The following ODAD2 variants were observed in gnomAD, a reference collection of about 807,000 sequenced individuals.
The protein encoded by ODAD2 is outer dynein arm docking complex subunit 2.
Under a neutral mutation model 106.8 loss-of-function variants are expected in ODAD2, and 89 were observed. That is an observed-to-expected ratio of 0.83 (90% CI 0.70 to 0.99). The LOEUF (loss-of-function observed/expected upper bound fraction) is 0.99, where lower values mean the gene tolerates loss of function less well. Ranked by LOEUF, ODAD2 falls within the 50% of genes least tolerant of loss-of-function variation. ODAD2 has a pLI of 0.00. For missense variants in ODAD2, 1,168 were observed against 1,238.5 expected (o/e 0.94, Z 0.85); for synonymous variants, 404 against 436.2 (o/e 0.93, Z 0.92).
intron 17 of ODAD2, among the ~76,000 whole-genome samples, chr10:27,875,657 G>C (rs1030298313): frequency 6.6e-6 from 1 of 152,164 alleles, no homozygotes; most frequent in Admixed American, 6.5e-5. Context: ...TTCCAACTGA[G>C]GTACCAGGTT....
chr10:27,933,583 A>G (rs1845752891), intron 16 of ODAD2, among the ~76,000 whole-genome samples: 1 of 152,206 alleles, frequency 6.6e-6, no homozygotes, highest in African/African-American at 2.4e-5. Flanking sequence ...AACTGAGAGC[A>G]GAGAGGAGGA....
intron 19 of ODAD2, among the ~76,000 whole-genome samples, chr10:27,826,608 T>G: frequency 6.6e-6 from 1 of 151,996 alleles, no homozygotes; most frequent in Non-Finnish European, 1.5e-5. Flanking sequence ...CACCCGTCCT[T>G]TCCTCCTCCC....
At chr10:27,910,458 A>G (rs1451755369) in intron 16 of ODAD2, among the ~76,000 whole-genome samples, 1 of 152,136 alleles carries the variant, frequency 6.6e-6, no homozygotes. Context: ...GCATACAGAA[A>G]TAACAGATAC....
chr10:27,892,989 A>G (rs1842653958), intron 17 of ODAD2, among the ~76,000 whole-genome samples: 1 of 152,086 alleles, frequency 6.6e-6, no homozygotes, highest in Non-Finnish European at 1.5e-5. Context: ...TCTCTACTAA[A>G]AGTACAAAAA....
intron 17 of ODAD2, among the ~76,000 whole-genome samples, chr10:27,867,130 A>G: frequency 6.6e-6 from 1 of 152,110 alleles, no homozygotes; most frequent in East Asian, 1.9e-4. Flanking sequence ...TGAACAAGAT[A>G]CCCACAACTG....
intron 19 of ODAD2, among the ~76,000 whole-genome samples, chr10:27,822,196 T>C (rs1836665875): frequency 6.6e-6 from 1 of 152,206 alleles, no homozygotes; most frequent in Non-Finnish European, 1.5e-5. Context: ...AGCATGGGAA[T>C]TGGGTCTGCA....
intron 16 of ODAD2, among the ~76,000 whole-genome samples, chr10:27,926,292 C>A (rs1466323803): frequency 1.3e-5 from 2 of 151,568 alleles, no homozygotes; most frequent in Admixed American, 6.6e-5. Flanking sequence ...AAAAGGAACT[C>A]AACCAATAAG....
chr10:27,885,706 A>T (rs11599391), intron 17 of ODAD2, among the ~76,000 whole-genome samples: 4 of 52,078 alleles, frequency 7.7e-5, no homozygotes, highest in South Asian at 1.0e-3. Context: ...ATATATATAA[A>T]ATATATATTA....
intron 17 of ODAD2, among the ~76,000 whole-genome samples, chr10:27,876,827 A>G (rs2133513474): frequency 6.6e-6 from 1 of 152,354 alleles, no homozygotes. Context: ...ATGTTCCCTG[A>G]TGAACTTCTT....
chr10:27,856,400 T>C (rs997422059), intron 19 of ODAD2, among the ~76,000 whole-genome samples: 5 of 152,174 alleles, frequency 3.3e-5, no homozygotes, highest in African/African-American at 1.2e-4. Flanking sequence ...TGAAACTTGC[T>C]CTTCCTTTGG....
In ODAD2 at chr10:27,995,260, T is replaced by C. The variant is rs1850492056; in HGVS notation, c.-38-80A>G. ...ATTTTTCATTCTCAAGACTTTAAAC[T>C]AGTACTCCCCATCCCACATTCTGCT... On this transcript the variant is annotated intron_variant, in intron 1 of 19. Transcript: ENST00000305242. 10 of 1,379,318 alleles carry C rather than the reference T, an allele frequency of 7.2e-6. No homozygotes were observed. In the South Asian group the frequency reaches 1.5e-4, roughly 21 times the overall value. The allele number at this position is 1,379,318 out of a possible 1,614,324, so 85.4% of individuals were successfully genotyped here.
At chr10:27,881,899 G>T (rs989663640) in intron 17 of ODAD2, among the ~76,000 whole-genome samples, 1 of 152,000 alleles carries the variant, frequency 6.6e-6, no homozygotes, top group Non-Finnish European at 1.5e-5. Flanking sequence ...AACTGGGCAT[G>T]GTGGCTCACA....
intron 16 of ODAD2, among the ~76,000 whole-genome samples, chr10:27,926,224 AG>A (rs1564511958): frequency 6.6e-6 from 1 of 152,184 alleles, no homozygotes; most frequent in African/African-American, 2.4e-5. Context: ...TATTTATAAA[AG>A]TAAGATTTGG....
At chr10:27,984,043 G>T (rs1267642661) in intron 5 of ODAD2, 64 bp from the exon 6 acceptor site, 4 of 1,564,162 alleles carry the variant, frequency 2.6e-6, no homozygotes, top group South Asian at 2.3e-5. Context: ...AAAAGTGTTG[G>T]CTTCCACAAA....
intron 19 of ODAD2, among the ~76,000 whole-genome samples, chr10:27,838,875 G>C (rs1838101908): frequency 6.6e-6 from 1 of 152,154 alleles, no homozygotes; most frequent in Non-Finnish European, 1.5e-5. Flanking sequence ...AAAAGCTGCG[G>C]GACATAGCTA....
At position 27,983,931 on chromosome 10, in the gene ODAD2, C is replaced by T. The variant is rs770059788; in HGVS notation, c.731G>A (p.Arg244His). Residue 244 changes from arginine to histidine, a missense_variant, in exon 6 of 20, where the codon CGT becomes CAT. By Grantham distance (29) the Arg-to-His change is conservative. Transcript: ENST00000305242. Reference protein sequence around the residue: ...GCRAPPWRQIRGEICYVLVKP... With the variant: ...GCRAPPWRQIHGEICYVLVKP... The stretch of plus-strand genomic sequence containing the variant: ...CACCAGCACATAACAAATTTCCCCA[C>T]GAATTTGTCTCCACGGTGGGGCTCG... 5.0e-6 allele frequency: 8 copies of T among 1,606,662 alleles called. No individual in the cohort carries two copies. The highest frequency in any genetic ancestry group is 1.6e-4 in the Middle Eastern group (1 of 6,064).
chr10:27,959,513 G>A (rs548812998), intron 10 of ODAD2, among the ~76,000 whole-genome samples: 256 of 152,174 alleles, frequency 1.7e-3, no homozygotes, highest in African/African-American at 6.0e-3. Flanking sequence ...CATGGTCACC[G>A]TGCGTGCCAG....
chr10:27,857,240 A>C (rs911498289), intron 19 of ODAD2, among the ~76,000 whole-genome samples: 4 of 152,206 alleles, frequency 2.6e-5, no homozygotes, highest in African/African-American at 7.2e-5. Flanking sequence ...TTTAATAAAC[A>C]GTAAATATAT....
At chr10:27,836,156 C>A in intron 19 of ODAD2, 1 of 152,070 alleles carries the variant, frequency 6.6e-6, no homozygotes, top group South Asian at 2.0e-4. Context: ...GTTCAAGGGT[C>A]AACTGTATAT....
Sources: allele counts gnomAD v4.1 joint callset (sites outside exome capture counted in the v4.1 genomes callset), GRCh38; gene constraint gnomAD v4.1.1; transcripts MANE v1.5; gene names NCBI Gene and HGNC (gene_info 2026-07-23, HGNC 2026-07-21).